Variants in GORAB observed in about 807,000 individuals in gnomAD.
GORAB encodes RAB6-interacting golgin.
A neutral mutation model predicts 29.9 loss-of-function variants in GORAB; 17 were observed. The ratio of observed to expected loss-of-function variants is 0.57; its 90% CI spans 0.39 to 0.85. GORAB has a LOEUF of 0.85. Ranked by LOEUF, GORAB falls within the 40% of genes least tolerant of loss-of-function variation. The probability of loss-of-function intolerance (pLI) is 0.00; values close to 1 mark genes in which losing one functional copy is unlikely to be tolerated. For synonymous variants in GORAB, 183 were observed against 157.2 expected (o/e 1.16, Z -1.23); for missense variants, 442 against 437.8 (o/e 1.01, Z -0.09).
chr1:170,542,383 T>G (rs1649486480), intron 2 of GORAB, 108 bp from the exon 3 acceptor site: 2 of 695,808 alleles, frequency 2.9e-6, no homozygotes, highest in Admixed American at 5.0e-5. Context: ...ACATAAATCT[T>G]CTTGATTAAA....
At chr1:170,536,841 A>C (rs1300789513) in intron 1 of GORAB, among the ~76,000 whole-genome samples, 3 of 152,220 alleles carry the variant, frequency 2.0e-5, no homozygotes, top group Non-Finnish European at 4.4e-5. Context: ...ATAAAGTCAA[A>C]CAACTAAGTA....
intron 3 of GORAB, among the ~76,000 whole-genome samples, chr1:170,544,285 A>G (rs1649618265): frequency 6.6e-6 from 1 of 152,236 alleles, no homozygotes; most frequent in Non-Finnish European, 1.5e-5. Context: ...GTGGTTTAGT[A>G]TAGACATCTA....
Position 170,552,091 on chromosome 1 carries a change from C to A in GORAB, c.739C>A (p.Gln247Lys), listed in dbSNP as rs1195718386. The A allele has an allele frequency of 1.2e-6, 2 of 1,614,034 alleles. No homozygotes were observed. Among genetic ancestry groups the A allele is most frequent in the Non-Finnish European group, 1.7e-6 (2 of 1,179,948 alleles). ...DIQRKTEIKE[Q>K]LTEHLCTIIQ... ...ACAGCGCAAGACTGAGATAAAAGAG[C>A]AACTCACTGAACACCTTTGTACGAT... Residue 247 changes from glutamine to lysine, a missense_variant, in exon 5 of 5, where the codon CAA becomes AAA. By Grantham distance (53) the Gln-to-Lys change is moderately conservative (BLOSUM62 1). Coordinates refer to ENST00000367763, the MANE Select transcript of GORAB (RefSeq NM_152281.3).
Position 170,544,760 on chromosome 1 carries a change from C to G in GORAB, c.577C>G (p.Gln193Glu). 2 of 1,613,950 alleles carry G rather than the reference C, an allele frequency of 1.2e-6. No individual in the cohort carries two copies. Among genetic ancestry groups the G allele is most frequent in the South Asian group, 1.1e-5 (1 of 91,076 alleles). The change falls in exon 4 of 5, where the codon CAG becomes GAG. Residue 193 changes from glutamine to glutamate, a missense_variant. Transcript: ENST00000367763. ...ACTAAAGCGGATCCAGAAGGAGTTG[C>G]AGGCTTTAGATGACATGGTGTCAGC... is the stretch of plus-strand genomic sequence containing the variant. ...MKLKRIQKEL[Q>E]ALDDMVSADI...
intron 1 of GORAB, chr1:170,532,526 G>A: frequency 4.0e-6 from 2 of 504,774 alleles, no homozygotes; most frequent in Non-Finnish European, 7.2e-6. Context: ...CCACTGTAGG[G>A]ATTTGACTCT....
intron 1 of GORAB, among the ~76,000 whole-genome samples, chr1:170,535,300 T>C: frequency 6.6e-6 from 1 of 152,242 alleles, no homozygotes; most frequent in South Asian, 2.1e-4. Flanking sequence ...ACTTTCTTTT[T>C]AATCATATAG....
Position 170,553,328 on chromosome 1 carries a change from G to A in GORAB, c.*866G>A, listed in dbSNP as rs778664950. 6.4e-5 allele frequency: 29 copies of A among 452,268 alleles called. No homozygotes were observed. Among genetic ancestry groups the A allele is most frequent in the Middle Eastern group, 6.8e-4 (1 of 1,464 alleles). The allele number at this position is 452,268 out of a possible 1,614,324, so 28.0% of individuals were successfully genotyped here. A position where few individuals can be genotyped will look rare whatever the true frequency, so the allele number is the denominator to read the frequency against. ...GACATGAATTACCCTGTCATGAAGC[G>A]TTTAAATTGTTAAAATGCTGATTTT... is the stretch of plus-strand genomic sequence containing the variant. On this transcript the variant is annotated 3_prime_UTR_variant, in exon 5 of 5. Transcript: ENST00000367763.
chr1:170,551,979 A>G, intron 4 of GORAB, 36 bp from the exon 5 acceptor site: 2 of 1,570,164 alleles, frequency 1.3e-6, no homozygotes, highest in Non-Finnish European at 1.7e-6. Flanking sequence ...CTTCAATGGA[A>G]AACTGATGGA....
At position 170,542,548 on chromosome 1, in the gene GORAB, A is replaced by G; in HGVS notation, c.477A>G (p.Lys159=). The change falls in exon 3 of 5, where the codon AAA becomes AAG. Residue 159 remains lysine, a synonymous_variant. Coordinates refer to ENST00000367763, the MANE Select transcript of GORAB (RefSeq NM_152281.3). ...AAGAACAACGGCTAATGGAAGAGAAAAATAAACGTAAAAAAGCTCTTTTGG... is the reference window on the plus strand; with the variant it reads ...AAGAACAACGGCTAATGGAAGAGAAGAATAAACGTAAAAAAGCTCTTTTGG... ...LQQEQRLMEE[K]NKRKKALLAK... is the part of the protein sequence containing the mutation. 6.2e-7 allele frequency: 1 copy of G among 1,613,962 alleles called. No individual in the cohort carries two copies. Among genetic ancestry groups the G allele is most frequent in the Non-Finnish European group, 8.5e-7 (1 of 1,179,866 alleles).
rs535146876 is a variant in GORAB, at chr1:170,546,417, T to C, written c.662+1572T>C. ...AAAAAAAAAAGAAAGAAAAGTAATT[T>C]GATTTTAATTTTGTCCTAGTGGAAA... On this transcript the variant is annotated intron_variant, in intron 4 of 4. Transcript: ENST00000367763. Among the ~76,000 whole-genome samples the C allele has an allele frequency of 1.8e-3, 268 of 152,004 alleles. 1 individual carries two copies. The highest frequency in any genetic ancestry group is 2.0e-3 in the Non-Finnish European group (137 of 67,950).
At chr1:170,549,921 A>T (rs1650009299) in intron 4 of GORAB, among the ~76,000 whole-genome samples, 2 of 152,212 alleles carry the variant, frequency 1.3e-5, no homozygotes, top group South Asian at 4.1e-4. Flanking sequence ...GGTGTTCTAA[A>T]TGAGAAGTTC....
At chr1:170,544,898 T>C in intron 4 of GORAB, 53 bp downstream of exon 4, 2 of 1,582,822 alleles carry the variant, frequency 1.3e-6, no homozygotes, top group South Asian at 2.3e-5. Context: ...TTAATGTTTA[T>C]TGCCAGCTGT....
At chr1:170,543,362 T>C (rs1649558027) in intron 3 of GORAB, among the ~76,000 whole-genome samples, 1 of 152,228 alleles carries the variant, frequency 6.6e-6, no homozygotes, top group African/African-American at 2.4e-5. Flanking sequence ...AAGTACATTT[T>C]CTTTTTAGAC....
intron 1 of GORAB, 52 bp from the exon 2 acceptor site, chr1:170,539,158 T>A (rs939138134): frequency 6.2e-7 from 1 of 1,605,244 alleles, no homozygotes; most frequent in Non-Finnish European, 8.5e-7. Context: ...AGAGGAATTA[T>A]AATTATTTGC....
intron 3 of GORAB, 23 bp from the exon 4 acceptor site, chr1:170,544,682 C>A: frequency 6.2e-7 from 1 of 1,610,404 alleles, no homozygotes; most frequent in Non-Finnish European, 8.5e-7. Context: ...CTTATTTTCC[C>A]ACTCACATAC....
rs760452446 is a variant in GORAB, at chr1:170,539,237, C to A, written c.89C>A (p.Pro30His). 6 of 1,614,090 alleles carry A rather than the reference C, an allele frequency of 3.7e-6. No homozygotes were observed. In the Admixed American group the frequency reaches 5.0e-5, roughly 13 times the overall value. Residue 30 changes from proline (P) to histidine (H), a missense_variant, in exon 2 of 5, where the codon CCC becomes CAC. Transcript: ENST00000367763. ...KDPFEPQRRL[P>H]AKKSRQQLQR... ...CCATTTGAACCACAGCGACGTCTCC[C>A]CGCGAAGAAAAGTCGACAACAACTT...
Position 170,552,607 on chromosome 1 carries a change from G to C in GORAB, c.*145G>C. 2.6e-6 allele frequency: 2 copies of C among 779,424 alleles called. No individual in the cohort carries two copies. Among genetic ancestry groups the C allele is most frequent in the Non-Finnish European group, 4.4e-6 (2 of 456,738 alleles). 48.3% of individuals were successfully genotyped at this position (779,424 alleles called of 1,614,324 possible). A position where few individuals can be genotyped will look rare whatever the true frequency, so the allele number is the denominator to read the frequency against. ...TAGTTTTAGTAAATTAATAGGTTTG[G>C]CCATTCTAAAATCCAAAATTATGAT... On this transcript the variant is annotated 3_prime_UTR_variant, in exon 5 of 5. Transcript: ENST00000367763.
At chr1:170,551,613 A>G (rs1650107469) in intron 4 of GORAB, among the ~76,000 whole-genome samples, 1 of 152,174 alleles carries the variant, frequency 6.6e-6, no homozygotes, top group Non-Finnish European at 1.5e-5. Context: ...TGCATTCAGT[A>G]ATATCACGTT....
chr1:170,550,337 G>T (rs1650032354), intron 4 of GORAB, among the ~76,000 whole-genome samples: 1 of 152,206 alleles, frequency 6.6e-6, no homozygotes, highest in Admixed American at 6.5e-5. Context: ...GAGATTGGGT[G>T]GAGTGAATTT....
Sources: gnomAD v4.1 joint callset for allele counts (sites outside exome capture counted in the v4.1 genomes callset) on GRCh38, gnomAD v4.1.1 for gene constraint, MANE v1.5 for transcripts, NCBI Gene and HGNC (gene_info 2026-07-23, HGNC 2026-07-21) for gene names.